Variants in RGS3 observed in about 807,000 individuals in gnomAD.
The protein encoded by RGS3 is regulator of G protein signaling 3.
In RGS3, 80 loss-of-function variants were observed where a neutral mutation model predicts 132.6. The observed-to-expected ratio is 0.60, with a 90% CI of 0.50 to 0.73. RGS3 has a LOEUF of 0.73. Among genes scored for constraint, RGS3 ranks in the 30% least tolerant of loss-of-function variants. RGS3 has a pLI of 0.00. For missense variants in RGS3, 1,382 were observed against 1,530.8 expected, an observed-to-expected ratio of 0.90 and a Z score of 1.62; for synonymous variants, 598 against 620.6, an observed-to-expected ratio of 0.96 and a Z score of 0.54.
At chr9:113,524,773 C>G (rs1356437489) in intron 17 of RGS3, among the ~76,000 whole-genome samples, 1 of 152,230 alleles carries the variant, frequency 6.6e-6, no homozygotes, top group Non-Finnish European at 1.5e-5. Flanking sequence ...TGAGCAGCTG[C>G]TGGACCATGC....
intron 21 of RGS3, 167 bp from the exon 20 acceptor site, chr9:113,594,263 G>C (rs958115030): frequency 2.5e-6 from 4 of 1,611,228 alleles, no homozygotes; most frequent in Non-Finnish European, 3.4e-6. Context: ...CCCAAGGTGG[G>C]GGGCCCTACA....
At chr9:113,479,518 A>G (rs770020909) in exon 4 of RGS3, 22 of 1,614,090 alleles carry the variant, frequency 1.4e-5, no homozygotes, top group South Asian at 8.8e-5. Context: ...ATTGATGCCC[A>G]GGACCGGGTT....
chr9:113,583,708 C>T, exon 20 of RGS3: 1 of 1,614,036 alleles, frequency 6.2e-7, no homozygotes, highest in Non-Finnish European at 8.5e-7. Flanking sequence ...GGATGTGCCA[C>T]CATGCCAGGA....
At position 113,576,493 on chromosome 9, in the gene RGS3, A is replaced by G. The variant is rs572499006; in HGVS notation, c.2038-6957A>G. On this transcript the variant is annotated intron_variant, in intron 19 of 24. Transcript: ENST00000350696. ...ATTACAGGCGCCCACCACCACGTCC[A>G]GCTAATTTTTGTATTTTTGGTAGAG... 2.0e-5 allele frequency among the ~76,000 whole-genome samples: 3 copies of G among 151,788 alleles called. No individual in the cohort carries two copies. The South Asian group carries it at 6.3e-4, about 32-fold the overall frequency.
chr9:113,472,947 A>G (rs1829879748), intron 3 of RGS3, among the ~76,000 whole-genome samples: 2 of 152,184 alleles, frequency 1.3e-5, no homozygotes, highest in Non-Finnish European at 2.9e-5. Flanking sequence ...AGGCTGAGAC[A>G]GGAGAATAAT....
At position 113,463,243 on chromosome 9, in the gene RGS3, G is replaced by T. The variant is rs1344642201; in HGVS notation, c.415+1042G>T. On this transcript the variant is annotated intron_variant, in intron 3 of 24. Coordinates refer to ENST00000350696, the Ensembl canonical transcript of RGS3. The surrounding 1 kb of genome is among the most constrained non-coding windows in gnomAD (Gnocchi z 4.6). ...TGATCCAGGATGCAGGGTTTGGGAA[G>T]AGGATGCAGCATGGTGGGGGGCGAC... Among the ~76,000 whole-genome samples the T allele has an allele frequency of 6.6e-6, 1 of 152,258 alleles. No individual in the cohort carries two copies. Among genetic ancestry groups the T allele is most frequent in the Non-Finnish European group, 1.5e-5 (1 of 68,040 alleles).
rs556135471 is a variant in RGS3 at position 113,451,508 on chromosome 9, T to G, written c.-13+6581T>G. On this transcript the variant is annotated intron_variant, in intron 1 of 25. Transcript: ENST00000374140. ...CAATCCAGCTGATCTCAACTGTGGT[T>G]GTTGCATTTTAGACTACACATATCT... Among the ~76,000 whole-genome samples the G allele has an allele frequency of 7.2e-5, 11 of 152,340 alleles. No homozygotes were observed. The East Asian group carries it at 2.1e-3, about 29-fold the overall frequency.
intron 3 of RGS3, chr9:113,479,172 T>G: frequency 2.8e-6 from 1 of 362,184 alleles, no homozygotes; most frequent in East Asian, 5.3e-5. Flanking sequence ...TCCTACACCT[T>G]TACCAACATT....
chr9:113,595,032 C>T (rs756875880), intron 23 of RGS3, 52 bp downstream of exon 21: 35 of 1,548,604 alleles, frequency 2.3e-5, no homozygotes, highest in Non-Finnish European at 2.8e-5. Flanking sequence ...CTCTCCCCTT[C>T]GCCCCCATCC....
chr9:113,527,204 A>G (rs1357305120), intron 17 of RGS3, among the ~76,000 whole-genome samples: 1 of 152,212 alleles, frequency 6.6e-6, no homozygotes, highest in Non-Finnish European at 1.5e-5. Flanking sequence ...CATAGGAAAT[A>G]TGTCTCAGGG....
intron 15 of RGS3, 138 bp downstream of exon 13, chr9:113,514,792 A>T (rs764968781): frequency 4.4e-5 from 34 of 764,966 alleles, no homozygotes; most frequent in South Asian, 3.0e-4. Context: ...CTTTAGATGC[A>T]TAGGATTCTA....
In RGS3 at chr9:113,505,882, A is replaced by G. The variant is rs908901654; in HGVS notation, c.979+359A>G. Among the ~76,000 whole-genome samples, 3 of 152,198 alleles carry G rather than the reference A, an allele frequency of 2.0e-5. 1 individual carries two copies. The highest frequency in any genetic ancestry group is 4.1e-4 in the South Asian group (2 of 4,828). ...CTATCCAGAGCCTGATCAGCACTTA[A>G]AAAGAGCCATCCTTCCCTACTTTTC... On this transcript the variant is annotated intron_variant, in intron 11 of 24. Coordinates refer to ENST00000350696, the Ensembl canonical transcript of RGS3.
chr9:113,501,688 G>C, intron 10 of RGS3: 1 of 1,486,812 alleles, frequency 6.7e-7, no homozygotes, highest in Non-Finnish European at 9.1e-7. Context: ...GGGGTAGAGG[G>C]ACCATCTGAG....
chr9:113,447,361 A>ATATATATATC (rs1554751008), intron 1 of RGS3, among the ~76,000 whole-genome samples: 5 of 118,398 alleles, frequency 4.2e-5, no homozygotes, highest in African/African-American at 1.2e-4. Context: ...ATATATATAT[A>ATATATATATC]GGCAAGGGTT....
At chr9:113,445,771 T>G (rs972206483) in intron 1 of RGS3, among the ~76,000 whole-genome samples, 1 of 152,092 alleles carries the variant, frequency 6.6e-6, no homozygotes. Context: ...CTCCGCCGCC[T>G]GGGTTCAAGC....
At chr9:113,473,836 G>T (rs574391296) in intron 3 of RGS3, among the ~76,000 whole-genome samples, 9 of 152,188 alleles carry the variant, frequency 5.9e-5, no homozygotes, top group Non-Finnish European at 1.3e-4. Flanking sequence ...AAGAAACATT[G>T]ACTTTGTTCT....
At chr9:113,460,039 CA>C (rs879005762), upstream of RGS3, among the ~76,000 whole-genome samples, 1,357 of 112,052 alleles carry the variant, frequency 0.012, 10 homozygotes, top group African/African-American at 0.026. Context: ...GAAACTCTCT[CA>C]AAAAAAAAAA....
rs569459992 is a variant in RGS3, at chr9:113,597,066, C to T, written c.*113C>T. The stretch of plus-strand genomic sequence containing the variant: ...AAGCAAGCCCCCAGAGGCTGTGTCT[C>T]TGGACAGACGGATAGACATACGGAA... On this transcript the variant is annotated 3_prime_UTR_variant, in exon 25 of 25. Coordinates refer to ENST00000350696, the Ensembl canonical transcript of RGS3. 184 of 867,434 alleles carry T rather than the reference C, an allele frequency of 2.1e-4. 1 individual carries two copies. The South Asian group carries it at 2.9e-3, about 14-fold the overall frequency. The allele number at this position is 867,434 out of a possible 1,614,324, so 53.7% of individuals were successfully genotyped here.
At chr9:113,529,198 T>C (rs1832355641) in intron 17 of RGS3, 23 bp from the exon 16 acceptor site, 1 of 1,603,602 alleles carries the variant, frequency 6.2e-7, no homozygotes, top group African/African-American at 1.3e-5. Flanking sequence ...CTAATGCAAA[T>C]CTTACTTTTT....
Sources: allele counts gnomAD v4.1 joint callset (sites outside exome capture counted in the v4.1 genomes callset), GRCh38; gene constraint gnomAD v4.1.1; non-coding constraint Gnocchi (gnomAD v3.1); transcripts MANE v1.5; gene names NCBI Gene and HGNC (gene_info 2026-07-23, HGNC 2026-07-21).